MSH3: variants seen among roughly 807,000 people sequenced by gnomAD.
MSH3 encodes the protein mutS homolog 3.
MSH3 carries 106 observed loss-of-function variants against 123.3 expected under a neutral mutation model. The observed-to-expected ratio is 0.86, with a 90% CI of 0.73 to 1.01. The LOEUF is 1.01. MSH3 is among the 50% of genes least tolerant of loss of function. The pLI, the probability that MSH3 is intolerant of heterozygous loss-of-function variation, is 0.00. For missense variants in MSH3, 1,459 were observed against 1,347.6 expected, an observed-to-expected ratio of 1.08 and a Z score of -1.29; for synonymous variants, 515 against 481.4, an observed-to-expected ratio of 1.07 and a Z score of -0.91.
At chr5:80,699,615 C>T (rs948711074) in intron 8 of MSH3, among the ~76,000 whole-genome samples, 1 of 140,562 alleles carries the variant, frequency 7.1e-6, no homozygotes, top group Non-Finnish European at 1.5e-5. Context: ...TATACATTAA[C>T]ATATATGGTA....
rs140792343 is a variant in MSH3, at chr5:80,732,102, T to C, written c.1568+3137T>C. On this transcript the variant is annotated intron_variant, in intron 10 of 23. Coordinates refer to ENST00000265081, the MANE Select transcript of MSH3 (RefSeq NM_002439.5). ...TTTTGTTAAGACACACTTGAGGTTCTAAAGTTATTTTGAGAGTTTAAGTTT... is the reference window on the plus strand; with the variant it reads ...TTTTGTTAAGACACACTTGAGGTTCCAAAGTTATTTTGAGAGTTTAAGTTT... 8.1e-3 allele frequency among the ~76,000 whole-genome samples: 1,230 copies of C among 152,288 alleles called. 18 individuals carry two copies. The highest frequency in any genetic ancestry group is 0.029 in the African/African-American group (1,188 of 41,578).
At chr5:80,697,019 A>G (rs1037333386) in intron 8 of MSH3, among the ~76,000 whole-genome samples, 2 of 152,228 alleles carry the variant, frequency 1.3e-5, no homozygotes. Flanking sequence ...GGAAAATTCT[A>G]TCCCTTTTCT....
At chr5:80,759,267 A>G (rs561403070) in intron 12 of MSH3, among the ~76,000 whole-genome samples, 2 of 152,334 alleles carry the variant, frequency 1.3e-5, no homozygotes, top group African/African-American at 4.8e-5. Context: ...TACCATTATG[A>G]GAAGGGAAAA....
intron 8 of MSH3, among the ~76,000 whole-genome samples, chr5:80,693,530 T>C (rs567899753): frequency 1.4e-5 from 2 of 143,038 alleles, no homozygotes; most frequent in East Asian, 3.9e-4. Context: ...TGTATATGTT[T>C]ATATAAATAT....
At chr5:80,862,466 G>T (rs1202877284) in intron 21 of MSH3, among the ~76,000 whole-genome samples, 1 of 152,064 alleles carries the variant, frequency 6.6e-6, no homozygotes, top group Non-Finnish European at 1.5e-5. Flanking sequence ...GCTTATTAAA[G>T]AATCCATGAG....
At position 80,822,020 on chromosome 5, in the gene MSH3, C is replaced by T. The variant is rs1334878399; in HGVS notation, c.2813+8279C>T. Among the ~76,000 whole-genome samples, 4 of 152,218 alleles carry T rather than the reference C, an allele frequency of 2.6e-5. No individual in the cohort carries two copies. In the East Asian group the frequency reaches 7.7e-4, roughly 29 times the overall value. ...AAGCAGAGTAAAATCCTAGACTTCACACAGTTTTTGATAGGTCAATAGGAT... is the reference window on the plus strand; with the variant it reads ...AAGCAGAGTAAAATCCTAGACTTCATACAGTTTTTGATAGGTCAATAGGAT... On this transcript the variant is annotated intron_variant, in intron 20 of 23. Transcript: ENST00000265081.
chr5:80,874,849 A>C (rs1456360982), intron 23 of MSH3, among the ~76,000 whole-genome samples: 3 of 152,232 alleles, frequency 2.0e-5, no homozygotes, highest in Non-Finnish European at 4.4e-5. Flanking sequence ...GAACTCTATG[A>C]AGTTATCTTG....
At chr5:80,735,381 C>CAAAAA (rs58588808) in intron 10 of MSH3, among the ~76,000 whole-genome samples, 1 of 59,596 alleles carries the variant, frequency 1.7e-5, no homozygotes, top group African/African-American at 7.0e-5. Context: ...GACTTCATCT[C>CAAAAA]AAAAAAAAAA....
At chr5:80,815,051 A>G (rs923820790) in intron 20 of MSH3, among the ~76,000 whole-genome samples, 29 of 152,318 alleles carry the variant, frequency 1.9e-4, no homozygotes, top group Admixed American at 3.9e-4. Context: ...CCAGCTACGT[A>G]TTTATATAAT....
rs1042542951 is a variant in MSH3 at position 80,744,554 on chromosome 5, A to G, written c.1702A>G (p.Lys568Glu). The G allele has an allele frequency of 6.2e-7, 1 of 1,613,974 alleles. No individual in the cohort carries two copies. Among genetic ancestry groups the G allele is most frequent in the Non-Finnish European group, 8.5e-7 (1 of 1,179,928 alleles). Reference protein sequence around the residue: ...GSLLWVLDHTKTSFGRRKLKK... With the variant: ...GSLLWVLDHTETSFGRRKLKK... ...TTTGCTGTGGGTTTTAGACCACACT[A>G]AAACTTCATTTGGGAGACGGAAGTT... The change falls in exon 12 of 24, where the codon AAA (lysine) becomes GAA (glutamate). Residue 568 changes from lysine (K) to glutamate (E), a missense_variant. Lys to Glu is a moderately conservative substitution (Grantham distance 56). Transcript: ENST00000265081.
chr5:80,832,632 T>A (rs1176280057), intron 20 of MSH3, among the ~76,000 whole-genome samples: 1 of 151,188 alleles, frequency 6.6e-6, no homozygotes, highest in Non-Finnish European at 1.5e-5. Flanking sequence ...AAAAAAAAAA[T>A]TCTGTAAATG....
intron 21 of MSH3, among the ~76,000 whole-genome samples, chr5:80,857,026 G>A (rs1017410457): frequency 6.6e-6 from 1 of 152,176 alleles, no homozygotes; most frequent in Non-Finnish European, 1.5e-5. Flanking sequence ...TATGATGTTA[G>A]CTAGAGGTTG....
In MSH3 at chr5:80,813,831, A is replaced by G. The variant is rs1257767400; in HGVS notation, c.2813+90A>G. 5 of 1,379,886 alleles carry G rather than the reference A, an allele frequency of 3.6e-6. No homozygotes were observed. The East Asian group carries it at 6.9e-5, about 19-fold the overall frequency. The allele number at this position is 1,379,886 out of a possible 1,614,324, so 85.5% of individuals were successfully genotyped here. On this transcript the variant is annotated intron_variant, in intron 20 of 23. Transcript: ENST00000265081. ...ATTTTCCTTTTGTGTACATATTTAGATGCTCTTAAAGCACTCAACATTTAG... is the reference window on the plus strand; with the variant it reads ...ATTTTCCTTTTGTGTACATATTTAGGTGCTCTTAAAGCACTCAACATTTAG...
chr5:80,822,298 A>C (rs1251124407), intron 20 of MSH3, among the ~76,000 whole-genome samples: 1 of 152,302 alleles, frequency 6.6e-6, no homozygotes, highest in East Asian at 1.9e-4. Context: ...ACCTTTTTCA[A>C]ATTACTACTT....
intron 12 of MSH3, among the ~76,000 whole-genome samples, chr5:80,748,258 C>T (rs1009267061): frequency 1.3e-5 from 2 of 152,184 alleles, no homozygotes; most frequent in Admixed American, 1.3e-4. Context: ...ACACACAGTT[C>T]ATAAGTCTAG....
intron 8 of MSH3, among the ~76,000 whole-genome samples, chr5:80,703,866 C>T (rs1015507381): frequency 1.4e-4 from 21 of 151,892 alleles, no homozygotes; most frequent in African/African-American, 4.8e-4. Context: ...AATCTAAGTG[C>T]AGAGAGTGGG....
rs3045983 is a variant in MSH3 at position 80,654,922 on chromosome 5, GCCCCCAGCT to G, written c.199_207del (p.Pro67_Pro69del). 412,194 of 1,521,560 alleles carry G rather than the reference GCCCCCAGCT, an allele frequency of 0.27. 63,065 individuals carry two copies. The highest frequency in any genetic ancestry group is 0.44 in the Middle Eastern group (2,508 of 5,748). The allele number at this position is 1,521,560 out of a possible 1,614,324, so 94.3% of individuals were successfully genotyped here. On this transcript the variant is annotated inframe_deletion, in exon 1 of 24. Coordinates refer to ENST00000265081, the MANE Select transcript of MSH3 (RefSeq NM_002439.5). ...CCGCAGCGGCCGCAGCGCCCCCAGC[GCCCCCAGCT>G]CCCGCCTTCCCGCCCCAGCTGCCGC...
chr5:80,874,910 A>G (rs1746279499), intron 23 of MSH3, among the ~76,000 whole-genome samples: 2 of 152,224 alleles, frequency 1.3e-5, no homozygotes, highest in Admixed American at 1.3e-4. Context: ...GAATCTGATC[A>G]TTTATCAAGA....
At chr5:80,714,558 T>C (rs188951531) in intron 8 of MSH3, among the ~76,000 whole-genome samples, 1 of 152,330 alleles carries the variant, frequency 6.6e-6, no homozygotes, top group Admixed American at 6.5e-5. Context: ...AAAATATTTA[T>C]GTGAAGATGG....
Sources: allele counts gnomAD v4.1 joint callset (sites outside exome capture counted in the v4.1 genomes callset), GRCh38; gene constraint gnomAD v4.1.1; transcripts MANE v1.5; gene names NCBI Gene and HGNC (gene_info 2026-07-23, HGNC 2026-07-21).